Variants in IL10RB observed in about 807,000 individuals in gnomAD.
IL10RB encodes the protein interleukin 10 receptor subunit beta.
IL10RB carries 30 observed loss-of-function variants against 38.7 expected under a neutral mutation model. The ratio of observed to expected loss-of-function variants is 0.78; its 90% CI spans 0.58 to 1.05. The LOEUF (loss-of-function observed/expected upper bound fraction) is 1.05, where lower values mean the gene tolerates loss of function less well. Ranked by LOEUF, IL10RB falls within the 50% of genes least tolerant of loss-of-function variation. The pLI, the probability that IL10RB is intolerant of heterozygous loss-of-function variation, is 0.00. For missense variants in IL10RB, 328 were observed against 397.1 expected, an observed-to-expected ratio of 0.83 and a Z score of 1.48; for synonymous variants, 142 against 145.9, an observed-to-expected ratio of 0.97 and a Z score of 0.19.
intron 3 of IL10RB, among the ~76,000 whole-genome samples, chr21:33,277,350 ATTG>A (rs1989191448): frequency 6.6e-6 from 1 of 151,750 alleles, no homozygotes. Context: ...AAAAAAAAAT[ATTG>A]TTCCCAGGTT....
rs982772163 is a variant in IL10RB at position 33,266,607 on chromosome 21, C to T, written c.49+93C>T. The T allele has an allele frequency of 5.4e-6, 7 of 1,301,638 alleles. No individual in the cohort carries two copies. The African/African-American group carries it at 1.0e-4, about 19-fold the overall frequency. The allele number at this position is 1,301,638 out of a possible 1,614,324, so 80.6% of individuals were successfully genotyped here. A position where few individuals can be genotyped will look rare whatever the true frequency, so the allele number is the denominator to read the frequency against. On this transcript the variant is annotated intron_variant, in intron 1 of 6. Coordinates refer to ENST00000290200, the MANE Select transcript of IL10RB (RefSeq NM_000628.5). Reference sequence around the variant, plus strand: ...CCATCCCTGGGCGCCCTGCAAGTGACTTAAGAGCCTTCGGGGCCTCGGGAG... The same window carrying T: ...CCATCCCTGGGCGCCCTGCAAGTGATTTAAGAGCCTTCGGGGCCTCGGGAG...
rs777514296 is a variant in IL10RB, at chr21:33,288,175, G to A, written c.718G>A (p.Gly240Ser). 201 of 1,613,866 alleles carry A rather than the reference G, an allele frequency of 1.2e-4. No homozygotes were observed. The highest frequency in any genetic ancestry group is 3.5e-4 in the Admixed American group (21 of 59,970). ...SVFMVCLALL[G>S]CFALLWCVYK... is the part of the protein sequence containing the mutation. ...CTTCATGGTCTGCCTGGCACTCCTC[G>A]GCTGCTTCGCCTTGCTGTGGTGCGT... Residue 240 changes from glycine to serine, a missense_variant, in exon 6 of 7, where the codon GGC (glycine) becomes AGC (serine). Transcript: ENST00000290200.
chr21:33,272,580 G>A (rs1989100701), intron 2 of IL10RB, among the ~76,000 whole-genome samples: 2 of 152,160 alleles, frequency 1.3e-5, no homozygotes, highest in East Asian at 1.9e-4. Flanking sequence ...CTGAGTAGCT[G>A]GGACTACAGG....
downstream of IL10RB, among the ~76,000 whole-genome samples, chr21:33,298,417 C>T (rs906848198): frequency 2.6e-5 from 4 of 152,046 alleles, no homozygotes; most frequent in African/African-American, 9.7e-5. Context: ...AGTTCGAGAC[C>T]AGCCTGGACA....
chr21:33,266,518 A>G lies in IL10RB; in HGVS notation c.49+4A>G, dbSNP rs1215691261. On this transcript the variant is annotated splice_donor_region_variant and intron_variant, in intron 1 of 6. Coordinates refer to ENST00000290200, the MANE Select transcript of IL10RB (RefSeq NM_000628.5). ...GGTGGCTGCCTGCTGGTGTCAGGTG[A>G]GGGGTCCGCGGGGAGGGGGCGCGCT... 6.5e-7 allele frequency: 1 copy of G among 1,542,208 alleles called. No homozygotes were observed. Among genetic ancestry groups the G allele is most frequent in the Non-Finnish European group, 8.7e-7 (1 of 1,147,214 alleles).
intron 6 of IL10RB, among the ~76,000 whole-genome samples, chr21:33,290,037 C>A (rs889480617): frequency 3.3e-5 from 5 of 152,044 alleles, no homozygotes; most frequent in African/African-American, 9.7e-5. Context: ...TGGCGTGAAC[C>A]CGGGAGGCGG....
At chr21:33,278,252 T>C (rs1408931781) in intron 3 of IL10RB, among the ~76,000 whole-genome samples, 2 of 151,824 alleles carry the variant, frequency 1.3e-5, no homozygotes, top group Non-Finnish European at 2.9e-5. Context: ...TGGGGAGTGG[T>C]CTTTATGCCG....
intron 2 of IL10RB, 78 bp from the exon 3 acceptor site, chr21:33,276,518 T>G: frequency 8.4e-6 from 9 of 1,073,026 alleles, no homozygotes; most frequent in African/African-American, 3.2e-5. Context: ...CGCCCCCCCC[T>G]CCAAATTAAG....
intron 1 of IL10RB, among the ~76,000 whole-genome samples, chr21:33,306,802 G>T (rs1457824388): frequency 6.6e-6 from 1 of 152,128 alleles, no homozygotes; most frequent in Non-Finnish European, 1.5e-5. Context: ...TTTCCAAAAT[G>T]CTGGGAGTCA....
chr21:33,299,678 A>T (rs1270794452), downstream of IL10RB, among the ~76,000 whole-genome samples: 1 of 152,194 alleles, frequency 6.6e-6, no homozygotes, highest in African/African-American at 2.4e-5. Context: ...AGAGCTTTAG[A>T]AATGTGGATG....
At position 33,276,515 on chromosome 21, in the gene IL10RB, C is replaced by A. The variant is rs191248435; in HGVS notation, c.174-81C>A. 3.7e-4 allele frequency: 419 copies of A among 1,121,100 alleles called. 2 individuals are homozygous for A. Among genetic ancestry groups the A allele is most frequent in the East Asian group, 3.6e-3 (155 of 42,588 alleles). 69.4% of individuals were successfully genotyped at this position (1,121,100 alleles called of 1,614,324 possible). On this transcript the variant is annotated intron_variant, in intron 2 of 6. Transcript: ENST00000290200. ...CAGTTTCCACTCCCGCGCCGCCCCCCCCTCCAAATTAAGTACCAGTCAGCC... is the reference window on the plus strand; with the variant it reads ...CAGTTTCCACTCCCGCGCCGCCCCCACCTCCAAATTAAGTACCAGTCAGCC...
downstream of IL10RB, among the ~76,000 whole-genome samples, chr21:33,299,255 A>T (rs957216843): frequency 6.6e-6 from 1 of 152,210 alleles, no homozygotes; most frequent in Non-Finnish European, 1.5e-5. Flanking sequence ...TTAGCATAAG[A>T]CAATGAATCT....
rs555064260 is a variant in IL10RB at position 33,296,480 on chromosome 21, C to T, written c.*123C>T. ...ATCTGAGCCAGCCCCACATCTAGAA[C>T]TCCCAGACCCTGGACTTAGCCACCA... On this transcript the variant is annotated 3_prime_UTR_variant, in exon 7 of 7. Coordinates refer to ENST00000290200, the MANE Select transcript of IL10RB (RefSeq NM_000628.5). The T allele has an allele frequency of 7.5e-5, 70 of 936,526 alleles. No individual in the cohort carries two copies. In the African/African-American group the frequency reaches 1.0e-3, roughly 14 times the overall value. The allele number at this position is 936,526 out of a possible 1,614,324, so 58.0% of individuals were successfully genotyped here.
chr21:33,294,449 A>C (rs1387794027), intron 6 of IL10RB, among the ~76,000 whole-genome samples: 1 of 151,732 alleles, frequency 6.6e-6, no homozygotes, highest in Non-Finnish European at 1.5e-5. Flanking sequence ...CTTGAGATTT[A>C]ATACACCTTC....
chr21:33,292,581 C>G (rs1989510149), intron 6 of IL10RB, among the ~76,000 whole-genome samples: 1 of 152,150 alleles, frequency 6.6e-6, no homozygotes, highest in Non-Finnish European at 1.5e-5. Flanking sequence ...TGGGCAGCAC[C>G]ATCACCTCGC....
intron 1 of IL10RB, among the ~76,000 whole-genome samples, chr21:33,304,407 T>A (rs7277111): frequency 0.12 from 18,728 of 152,130 alleles, 1,993 homozygotes; most frequent in African/African-American, 0.29. Flanking sequence ...CCATGCTGAC[T>A]CGGCCTGCTG....
intron 2 of IL10RB, among the ~76,000 whole-genome samples, chr21:33,269,969 A>G (rs921914656): frequency 5.3e-5 from 8 of 151,872 alleles, no homozygotes; most frequent in Non-Finnish European, 1.0e-4. Flanking sequence ...AGGTTCACCA[A>G]TTTTTAATGT....
chr21:33,276,778 T>C (rs779291622), intron 3 of IL10RB, 25 bp downstream of exon 3: 5 of 1,605,246 alleles, frequency 3.1e-6, no homozygotes, highest in Non-Finnish European at 3.4e-6. Flanking sequence ...TTTCCCTTTT[T>C]TTGTAATGTC....
chr21:33,286,680 C>T (rs1989381155), intron 5 of IL10RB, among the ~76,000 whole-genome samples: 1 of 151,820 alleles, frequency 6.6e-6, no homozygotes, highest in African/African-American at 2.4e-5. Context: ...GTGGGACCCC[C>T]ATCTCTATAA....
Sources: gnomAD v4.1 joint callset for allele counts (sites outside exome capture counted in the v4.1 genomes callset) on GRCh38, gnomAD v4.1.1 for gene constraint, MANE v1.5 for transcripts, NCBI Gene and HGNC (gene_info 2026-07-23, HGNC 2026-07-21) for gene names.